Variants in IKBKB observed in about 807,000 individuals in gnomAD.
The protein encoded by IKBKB is inhibitor of nuclear factor kappa B kinase subunit beta, also known as inhibitor of nuclear factor kappa-B kinase subunit beta.
In IKBKB, 42 loss-of-function variants were observed where a neutral mutation model predicts 113.6. The ratio of observed to expected loss-of-function variants is 0.37; its 90% CI spans 0.29 to 0.48. The LOEUF (loss-of-function observed/expected upper bound fraction) is 0.48, where lower values mean the gene tolerates loss of function less well. Among genes scored for constraint, IKBKB ranks in the 20% least tolerant of loss-of-function variants. The probability of loss-of-function intolerance (pLI) is 0.99; values close to 1 mark genes in which losing one functional copy is unlikely to be tolerated. For synonymous variants in IKBKB, 296 were observed against 361.3 expected (o/e 0.82, Z 2.05); for missense variants, 673 against 939.7 (o/e 0.72, Z 3.71).
chr8:42,312,871 A>C (rs1817980348), intron 8 of IKBKB, among the ~76,000 whole-genome samples: 1 of 152,210 alleles, frequency 6.6e-6, no homozygotes, highest in South Asian at 2.1e-4. Flanking sequence ...TGAATTTCCT[A>C]GATGTTTTGA....
Position 42,272,216 on chromosome 8 carries a change from T to G in IKBKB, c.105+11T>G. 2 of 1,614,112 alleles carry G rather than the reference T, an allele frequency of 1.2e-6. No homozygotes were observed. ...CGATGGCACAATCAGGTAGGCCCTC[T>G]GTGCAGCTTGGGGAGGGGCGGGGAG... is the stretch of plus-strand genomic sequence containing the variant. On this transcript the variant is annotated intron_variant, in intron 2 of 21. Transcript: ENST00000520810.
chr8:42,308,555 C>T (rs1429713667), intron 7 of IKBKB, among the ~76,000 whole-genome samples: 1 of 152,106 alleles, frequency 6.6e-6, no homozygotes, highest in Admixed American at 6.5e-5. Context: ...ACCTCGGCCT[C>T]CCAAAGTGCT....
chr8:42,293,741 G>A (rs1006965029), intron 5 of IKBKB, among the ~76,000 whole-genome samples: 2 of 152,178 alleles, frequency 1.3e-5, no homozygotes, highest in Non-Finnish European at 2.9e-5. Context: ...AACTCATCAG[G>A]TGAATTATGA....
Position 42,316,196 on chromosome 8 carries a change from G to A in IKBKB, c.801-14G>A. On this transcript the variant is annotated splice_polypyrimidine_tract_variant and intron_variant, in intron 9 of 21. Transcript: ENST00000520810. This position sits in a 1 kb window ranked among gnomAD's most constrained non-coding sequence, Gnocchi z 4.5. ...CTGGAAGTGTCTCCTCACACACTAT[G>A]CTCCTCTCCACAGTGTCCTGGCTGA... The A allele has an allele frequency of 6.2e-7, 1 of 1,613,512 alleles. No homozygotes were observed. The highest frequency in any genetic ancestry group is 8.5e-7 in the Non-Finnish European group (1 of 1,179,756).
At chr8:42,309,929 T>C (rs965416899) in intron 8 of IKBKB, among the ~76,000 whole-genome samples, 3 of 152,320 alleles carry the variant, frequency 2.0e-5, no homozygotes, top group African/African-American at 7.2e-5. Flanking sequence ...TTGTGCAGGA[T>C]ATGTTTATAT....
intron 7 of IKBKB, 110 bp from the exon 8 acceptor site, chr8:42,308,791 G>A (rs1053514973): frequency 2.0e-6 from 2 of 1,011,576 alleles, no homozygotes; most frequent in Non-Finnish European, 3.0e-6. Flanking sequence ...GCATGTGCCA[G>A]TGCCCTCTAG....
rs527490148 is a variant in IKBKB, at chr8:42,298,931, C to G, written c.388+5419C>G. On this transcript the variant is annotated intron_variant, in intron 5 of 21. Coordinates refer to ENST00000520810, the MANE Select transcript of IKBKB (RefSeq NM_001556.3). Reference sequence around the variant, plus strand: ...CCTGCCCCTGCATTCGCCTGTCCGTCCTTCCCTCCCTGCCCCTGCGCTGGC... The same window carrying G: ...CCTGCCCCTGCATTCGCCTGTCCGTGCTTCCCTCCCTGCCCCTGCGCTGGC... Among the ~76,000 whole-genome samples, 3 of 152,280 alleles carry G rather than the reference C, an allele frequency of 2.0e-5. No homozygotes were observed. In the East Asian group the frequency reaches 5.8e-4, roughly 29 times the overall value.
rs1221349851 is a variant in IKBKB, at chr8:42,319,574, T to A, written c.1517-11T>A. ...GTTTTGTTTTGTTTTTCCTTCTCAATTTTTTTTCAGCATCAGATAAACTGC... is the reference window on the plus strand; with the variant it reads ...GTTTTGTTTTGTTTTTCCTTCTCAAATTTTTTTCAGCATCAGATAAACTGC... On this transcript the variant is annotated splice_polypyrimidine_tract_variant and intron_variant, in intron 14 of 21. Transcript: ENST00000520810. 3 of 1,578,160 alleles carry A rather than the reference T, an allele frequency of 1.9e-6. No homozygotes were observed. The South Asian group carries it at 3.5e-5, about 19-fold the overall frequency.
intron 2 of IKBKB, 82 bp downstream of exon 2, chr8:42,272,287 C>T (rs747010102): frequency 8.2e-6 from 13 of 1,588,246 alleles, no homozygotes; most frequent in Admixed American, 6.9e-5. Context: ...TCCTGCTGGG[C>T]CAAGGGCTCA....
intron 4 of IKBKB, among the ~76,000 whole-genome samples, chr8:42,291,212 C>T (rs914954166): frequency 3.3e-5 from 5 of 152,082 alleles, no homozygotes; most frequent in Admixed American, 2.6e-4. Context: ...ACAAGAGTCT[C>T]GCTGTATTGC....
At chr8:42,292,094 A>G (rs1043808584) in intron 4 of IKBKB, among the ~76,000 whole-genome samples, 4 of 152,164 alleles carry the variant, frequency 2.6e-5, no homozygotes, top group African/African-American at 9.7e-5. Context: ...CATCACCCAC[A>G]ATGAGAGATG....
chr8:42,326,199 C>G, intron 20 of IKBKB, 102 bp downstream of exon 20: 1 of 1,379,738 alleles, frequency 7.2e-7, no homozygotes, highest in South Asian at 1.3e-5. Flanking sequence ...GATGGTATTA[C>G]CACCTCTCTG....
intron 2 of IKBKB, among the ~76,000 whole-genome samples, chr8:42,275,674 G>A (rs1373354812): frequency 1.3e-5 from 2 of 152,080 alleles, no homozygotes; most frequent in African/African-American, 4.8e-5. Context: ...CATTTTCTTT[G>A]TTCATTTGTT....
intron 5 of IKBKB, among the ~76,000 whole-genome samples, chr8:42,297,506 C>T (rs560415603): frequency 1.3e-3 from 202 of 152,314 alleles, no homozygotes; most frequent in Admixed American, 2.4e-3. Flanking sequence ...CTCCCAGAGA[C>T]ACCCGCTCAG....
At chr8:42,285,270 G>A (rs1356587464) in intron 2 of IKBKB, among the ~76,000 whole-genome samples, 1 of 152,198 alleles carries the variant, frequency 6.6e-6, no homozygotes, top group Admixed American at 6.5e-5. Flanking sequence ...AGGTGGCCGG[G>A]TGCAGGGGCT....
intron 5 of IKBKB, among the ~76,000 whole-genome samples, chr8:42,294,872 CT>C (rs1813399078): frequency 6.6e-6 from 1 of 152,150 alleles, no homozygotes; most frequent in African/African-American, 2.4e-5. Flanking sequence ...TGCTTGGAGG[CT>C]TACTTGATTG....
intron 1 of IKBKB, 21 bp from the exon 2 acceptor site, chr8:42,272,062 C>G (rs759644416): frequency 6.3e-7 from 1 of 1,591,368 alleles, no homozygotes; most frequent in Admixed American, 1.8e-5. Context: ...ACCTTTTTTC[C>G]CCATCCCAAA....
intron 2 of IKBKB, among the ~76,000 whole-genome samples, chr8:42,274,786 G>GTCCCCCCCCCCCCC (rs1808636509): frequency 1.8e-4 from 1 of 5,538 alleles, no homozygotes; most frequent in Non-Finnish European, 3.1e-4. Flanking sequence ...CCGCCGGCGC[G>GTCCCCCCCCCCCCC]CCCCCCCCCC....
chr8:42,310,742 T>C (rs1817550681), intron 8 of IKBKB, among the ~76,000 whole-genome samples: 3 of 152,292 alleles, frequency 2.0e-5, no homozygotes, highest in African/African-American at 7.2e-5. Flanking sequence ...CTATGAACAG[T>C]TGTGTGTCTC....
Sources: allele counts gnomAD v4.1 joint callset (sites outside exome capture counted in the v4.1 genomes callset), GRCh38; gene constraint gnomAD v4.1.1; non-coding constraint Gnocchi (gnomAD v3.1); transcripts MANE v1.5; gene names NCBI Gene and HGNC (gene_info 2026-07-23, HGNC 2026-07-21).